The following SNED1 variants were observed in gnomAD, a reference collection of about 807,000 sequenced individuals.
SNED1 encodes sushi, nidogen and EGF like domains 1, also known as sushi, nidogen and EGF-like domain-containing protein 1.
In SNED1, 81 loss-of-function variants were observed where a neutral mutation model predicts 166.7. That is an observed-to-expected ratio of 0.49 (90% confidence interval 0.41 to 0.58). The LOEUF (loss-of-function observed/expected upper bound fraction) is 0.58, where lower values mean the gene tolerates loss of function less well. Among genes scored for constraint, SNED1 ranks in the 20% least tolerant of loss-of-function variants. SNED1 has a pLI of 0.00. For missense variants in SNED1, 1,604 were observed against 2,000.2 expected (o/e 0.80, Z 3.78); for synonymous variants, 762 against 822.0 (o/e 0.93, Z 1.25).
rs928964495 is a variant in SNED1, at chr2:241,064,667, G to A, written c.2600-177G>A. On this transcript the variant is annotated intron_variant, in intron 19 of 31. Coordinates refer to ENST00000310397, the MANE Select transcript of SNED1 (RefSeq NM_001080437.3). The surrounding 1 kb of genome is among the most constrained non-coding windows in gnomAD (Gnocchi z 7.0). The stretch of plus-strand genomic sequence containing the variant: ...CTGTGGAGGGTGGAGGAGCTGCTGG[G>A]TTGGGCCCCGCAGGGCAGTGGAGGT... Among the ~76,000 whole-genome samples, 2 of 152,202 alleles carry A rather than the reference G, an allele frequency of 1.3e-5. No homozygotes were observed. Among genetic ancestry groups the A allele is most frequent in the African/African-American group, 4.8e-5 (2 of 41,450 alleles).
Position 241,067,814 on chromosome 2 carries a change from A to C in SNED1, c.3061A>C (p.Ile1021Leu). The change falls in exon 22 of 32, where the codon ATC (isoleucine) becomes CTC (leucine). Residue 1021 changes from isoleucine to leucine, a missense_variant. Around this residue, in one of 2 missense-constraint regions of SNED1, gnomAD observed 1,237 missense variants for 1,620.8 expected, o/e 0.76. Coordinates refer to ENST00000310397, the MANE Select transcript of SNED1 (RefSeq NM_001080437.3). Reference protein sequence around the residue: ...FEVTNVTASTISVQWALHRIR... With the variant: ...FEVTNVTASTLSVQWALHRIR... ...GGTCACCAATGTGACGGCTAGCACC[A>C]TCTCAGTGCAGTGGGCCCTGCACAG... 1 of 1,613,260 alleles carries C rather than the reference A, an allele frequency of 6.2e-7. No homozygotes were observed. The highest frequency in any genetic ancestry group is 8.5e-7 in the Non-Finnish European group (1 of 1,179,608).
rs2062102560 is a variant in SNED1, at chr2:241,057,696, TTAAG to T, written c.2257+4371_2257+4374del. Among the ~76,000 whole-genome samples, 6 of 151,992 alleles carry T rather than the reference TTAAG, an allele frequency of 3.9e-5. 1 individual carries two copies. The highest frequency in any genetic ancestry group is 1.4e-4 in the African/African-American group (6 of 41,466). ...GACCCTGTCTCTAAAAAATTAAAAA[TTAAG>T]AAATAAACTTAATACCTAAATATCT... is the stretch of plus-strand genomic sequence containing the variant. On this transcript the variant is annotated intron_variant, in intron 16 of 31. Transcript: ENST00000310397.
chr2:241,001,734 A>G (rs1030213552), intron 1 of SNED1, among the ~76,000 whole-genome samples: 2 of 152,092 alleles, frequency 1.3e-5, no homozygotes, highest in African/African-American at 4.8e-5. Flanking sequence ...TGCCCCCTAC[A>G]CTGAAGCTCC....
intron 8 of SNED1, among the ~76,000 whole-genome samples, chr2:241,045,601 A>T (rs1474126183): frequency 2.7e-5 from 4 of 148,366 alleles, no homozygotes; most frequent in Admixed American, 6.8e-5. Context: ...TTATATGTAT[A>T]AAAAAAAAAC....
In SNED1 at chr2:241,092,149, A is replaced by T. The variant is rs544058126; in HGVS notation, c.*513A>T. 1 of 152,456 alleles carries T rather than the reference A, an allele frequency of 6.6e-6. No homozygotes were observed. Among genetic ancestry groups the T allele is most frequent in the East Asian group, 1.9e-4 (1 of 5,198 alleles). The allele number at this position is 152,456 out of a possible 1,614,324, so 9.4% of individuals were successfully genotyped here. On this transcript the variant is annotated 3_prime_UTR_variant, in exon 32 of 32. Transcript: ENST00000310397. This position sits in a 1 kb window ranked among gnomAD's most constrained non-coding sequence, Gnocchi z 4.6. ...AGAGACCAGGTGATGTCAGAAGGAA[A>T]GCCGGGTTGCAGACACAGCCGCCCC... is the stretch of plus-strand genomic sequence containing the variant.
intron 8 of SNED1, among the ~76,000 whole-genome samples, chr2:241,046,490 T>TAATA (rs2061650626): frequency 6.6e-6 from 1 of 152,214 alleles, no homozygotes; most frequent in South Asian, 2.1e-4. Context: ...CAATTATAGA[T>TAATA]ACATACGACA....
chr2:241,044,407 C>T (rs1419534234), intron 8 of SNED1, among the ~76,000 whole-genome samples: 1 of 152,204 alleles, frequency 6.6e-6, no homozygotes, highest in Admixed American at 6.5e-5. Flanking sequence ...TGTCTCTCCC[C>T]CACTGAATAC....
Position 241,073,108 on chromosome 2 carries a change from G to A in SNED1, c.3818-158G>A. The A allele has an allele frequency of 1.7e-6, 1 of 601,556 alleles. No homozygotes were observed. The allele number at this position is 601,556 out of a possible 1,614,324, so 37.3% of individuals were successfully genotyped here. A position where few individuals can be genotyped will look rare whatever the true frequency, so the allele number is the denominator to read the frequency against. On this transcript the variant is annotated intron_variant, in intron 26 of 31. Coordinates refer to ENST00000310397, the MANE Select transcript of SNED1 (RefSeq NM_001080437.3). The surrounding 1 kb of genome is among the most constrained non-coding windows in gnomAD (Gnocchi z 6.6). ...TGAGGCCAGCCCTTCAGGGGAGGCA[G>A]CTCTGGGGCCGACAGGTGCTGGGGC...
At chr2:241,067,385 C>T (rs972351934) in intron 21 of SNED1, among the ~76,000 whole-genome samples, 8 of 152,206 alleles carry the variant, frequency 5.3e-5, no homozygotes, top group Non-Finnish European at 1.0e-4. Flanking sequence ...CGGATGTGTG[C>T]TCTTAGACCA....
In SNED1 at chr2:241,051,833, C is replaced by T. The variant is rs1489580212; in HGVS notation, c.1825C>T (p.Arg609Cys). 1.9e-6 allele frequency: 3 copies of T among 1,561,236 alleles called. No homozygotes were observed. The highest frequency in any genetic ancestry group is 2.6e-6 in the Non-Finnish European group (3 of 1,153,426). ...GGEYHCSCPY[R>C]FTGRHCEIGK... ...CGAGTACCACTGCAGCTGCCCCTACCGCTTCACTGGGAGGCACTGTGAGAT... is the reference window on the plus strand; with the variant it reads ...CGAGTACCACTGCAGCTGCCCCTACTGCTTCACTGGGAGGCACTGTGAGAT... The change falls in exon 13 of 32, where the codon CGC becomes TGC. Residue 609 changes from arginine to cysteine, a missense_variant. By Grantham distance (180) the Arg-to-Cys change is radical (BLOSUM62 -3). Transcript: ENST00000310397. This position sits in a 1 kb window ranked among gnomAD's most constrained non-coding sequence, Gnocchi z 4.7.
chr2:241,034,775 AG>A, intron 4 of SNED1, 45 bp downstream of exon 4: 2 of 1,491,258 alleles, frequency 1.3e-6, no homozygotes, highest in Non-Finnish European at 1.8e-6. Context: ...GGGCTGAGGA[AG>A]GGGGTTGATG....
chr2:241,009,146 C>T (rs2060309812), intron 1 of SNED1, among the ~76,000 whole-genome samples: 1 of 152,188 alleles, frequency 6.6e-6, no homozygotes, highest in Admixed American at 6.5e-5. Context: ...CTCAAGATTG[C>T]ATCTCTGATG....
intron 31 of SNED1, among the ~76,000 whole-genome samples, chr2:241,089,712 G>A (rs1196553802): frequency 6.6e-6 from 1 of 152,250 alleles, no homozygotes; most frequent in African/African-American, 2.4e-5. Context: ...CTACAGCCGA[G>A]CATCACTTAA....
intron 30 of SNED1, chr2:241,088,018 C>A (rs1007203893): frequency 2.5e-6 from 1 of 397,590 alleles, no homozygotes; most frequent in Non-Finnish European, 4.5e-6. Flanking sequence ...CCGGGCAAGG[C>A]CGCAGCCTGC....
At position 241,049,883 on chromosome 2, in the gene SNED1, C is replaced by T. The variant is rs958567301; in HGVS notation, c.1685C>T (p.Ser562Phe). 3 of 1,613,756 alleles carry T rather than the reference C, an allele frequency of 1.9e-6. No individual in the cohort carries two copies. The highest frequency in any genetic ancestry group is 2.7e-5 in the African/African-American group (2 of 74,944). The change falls in exon 12 of 32, where the codon TCC (serine) becomes TTC (phenylalanine). Residue 562 changes from serine to phenylalanine, a missense_variant. Physicochemically the swap from Ser to Phe is radical, Grantham distance 155. Coordinates refer to ENST00000310397, the MANE Select transcript of SNED1 (RefSeq NM_001080437.3). The part of the protein sequence containing the change: ...NGGSCDAHDD[S>F]YTCECPRGFH... The stretch of plus-strand genomic sequence containing the variant: ...GGCTCCTGCGATGCCCATGACGACT[C>T]CTACACCTGCGAGTGCCCGCGCGGG...
Position 241,051,859 on chromosome 2 carries a change from C to A in SNED1, c.1851C>A (p.Ile617=). The change falls in exon 13 of 32, where the codon ATC becomes ATA. Residue 617 remains isoleucine (I), a splice_region_variant and synonymous_variant. Coordinates refer to ENST00000310397, the MANE Select transcript of SNED1 (RefSeq NM_001080437.3). This position sits in a 1 kb window ranked among gnomAD's most constrained non-coding sequence, Gnocchi z 4.7. ...PYRFTGRHCE[I]GKPDSCASGP... ...GCTTCACTGGGAGGCACTGTGAGAT[C>A]GGTGCGGCCCCCAGGGGCAGGGGGG... The A allele has an allele frequency of 2.0e-6, 3 of 1,537,018 alleles. No individual in the cohort carries two copies. Among genetic ancestry groups the A allele is most frequent in the South Asian group, 2.5e-5 (2 of 81,542 alleles).
intron 6 of SNED1, among the ~76,000 whole-genome samples, chr2:241,039,805 C>G (rs1260574449): frequency 2.0e-5 from 3 of 152,138 alleles, no homozygotes; most frequent in Non-Finnish European, 4.4e-5. Flanking sequence ...TTCCATGCAC[C>G]CCCATTTGCC....
At position 241,065,348 on chromosome 2, in the gene SNED1, G is replaced by A. The variant is rs2125196849; in HGVS notation, c.2763G>A (p.Gly921=). The change falls in exon 21 of 32, where the codon GGG becomes GGA. Residue 921 remains glycine (G), a synonymous_variant. Coordinates refer to ENST00000310397, the MANE Select transcript of SNED1 (RefSeq NM_001080437.3). ...AGATGGAGAGAGTGGAGGAGAGTGGGGTCTCTATCTCCTGGAACCCGCCCA... is the reference window on the plus strand; with the variant it reads ...AGATGGAGAGAGTGGAGGAGAGTGGAGTCTCTATCTCCTGGAACCCGCCCA... The part of the protein sequence containing the change: ...ALKMERVEES[G]VSISWNPPNG... The A allele has an allele frequency of 6.2e-7, 1 of 1,613,036 alleles. No homozygotes were observed. Among genetic ancestry groups the A allele is most frequent in the East Asian group, 2.2e-5 (1 of 44,854 alleles).
At chr2:241,000,583 T>G (rs2060049184) in intron 1 of SNED1, among the ~76,000 whole-genome samples, 1 of 152,178 alleles carries the variant, frequency 6.6e-6, no homozygotes, top group African/African-American at 2.4e-5. Flanking sequence ...AGGCTCAGCT[T>G]TCCCACTCAC....
Sources: gnomAD v4.1 joint callset for allele counts (sites outside exome capture counted in the v4.1 genomes callset) on GRCh38, gnomAD v4.1.1 for gene constraint, gnomAD v4.1.1 regional missense constraint, Gnocchi (gnomAD v3.1) non-coding constraint, MANE v1.5 for transcripts, NCBI Gene and HGNC (gene_info 2026-07-23, HGNC 2026-07-21) for gene names.